Variants in BRD4 observed in about 807,000 individuals in gnomAD.
The protein encoded by BRD4 is bromodomain-containing protein 4.
BRD4 carries 16 observed loss-of-function variants against 142.1 expected under a neutral mutation model. The observed-to-expected ratio is 0.11, with a 90% CI of 0.08 to 0.17. BRD4 has a LOEUF of 0.17. Ranked by LOEUF, BRD4 falls within the 10% of genes least tolerant of loss-of-function variation. BRD4 has a pLI of 1.00. For missense variants in BRD4, 1,424 were observed against 1,810.9 expected, an observed-to-expected ratio of 0.79 and a Z score of 3.88; for synonymous variants, 833 against 707.5, an observed-to-expected ratio of 1.18 and a Z score of -2.82.
intron 1 of BRD4, among the ~76,000 whole-genome samples, chr19:15,296,179 G>A (rs192255007): frequency 2.0e-5 from 3 of 152,206 alleles, no homozygotes; most frequent in Admixed American, 6.5e-5. Context: ...GCTTGAACCC[G>A]GGAGAGAGAG....
intron 1 of BRD4, among the ~76,000 whole-genome samples, chr19:15,314,383 T>C (rs1049520301): frequency 5.9e-5 from 9 of 152,164 alleles, no homozygotes; most frequent in African/African-American, 2.2e-4. Context: ...GACACATTGT[T>C]TTGGAAAGAA....
chr19:15,240,170 A>C, intron 14 of BRD4, 148 bp from the exon 15 acceptor site: 1 of 1,284,744 alleles, frequency 7.8e-7, no homozygotes, highest in Non-Finnish European at 1.0e-6. Flanking sequence ...CCAGCTCAAA[A>C]AGGGTGAAGA....
intron 14 of BRD4, among the ~76,000 whole-genome samples, chr19:15,240,811 C>A (rs1466393621): frequency 2.0e-5 from 3 of 152,304 alleles, no homozygotes; most frequent in Admixed American, 2.0e-4. Context: ...TCCCTGCAGG[C>A]AAGGGGCCTC....
intron 1 of BRD4, among the ~76,000 whole-genome samples, chr19:15,292,836 A>C (rs2047794389): frequency 6.6e-6 from 1 of 150,664 alleles, no homozygotes; most frequent in Non-Finnish European, 1.5e-5. Context: ...AAGAAAAGAA[A>C]AGCCTGAAAC....
At chr19:15,304,888 G>A (rs1204806695) in intron 1 of BRD4, among the ~76,000 whole-genome samples, 1 of 151,990 alleles carries the variant, frequency 6.6e-6, no homozygotes, top group Non-Finnish European at 1.5e-5. Flanking sequence ...GATGGATCAA[G>A]GGCATGAATT....
chr19:15,270,090 T>A (rs1328156623), intron 2 of BRD4, among the ~76,000 whole-genome samples: 2 of 152,206 alleles, frequency 1.3e-5, no homozygotes, highest in Non-Finnish European at 2.9e-5. Flanking sequence ...CAGGTGCTCC[T>A]GTAATTAAGT....
At chr19:15,292,777 CAAAAAAAAAAAAAAAAAAAA>C (rs57341445) in intron 1 of BRD4, among the ~76,000 whole-genome samples, 22 of 57,256 alleles carry the variant, frequency 3.8e-4, no homozygotes, top group South Asian at 2.6e-3. Flanking sequence ...GACTCCGTCT[CAAAAAAAAAAAAAAAAAAAA>C]AAAAAAAAAA....
chr19:15,253,128 C>T, intron 11 of BRD4: 1 of 275,708 alleles, frequency 3.6e-6, no homozygotes, highest in South Asian at 9.8e-5. Flanking sequence ...CTGCCTGAGA[C>T]CCTAGGGCCA....
At chr19:15,274,979 C>T (rs1278778049) in intron 1 of BRD4, among the ~76,000 whole-genome samples, 1 of 152,158 alleles carries the variant, frequency 6.6e-6, no homozygotes, top group Admixed American at 6.5e-5. Flanking sequence ...CCACCTCAGC[C>T]TCCCCAGTAG....
chr19:15,308,914 C>T (rs2047941552), intron 1 of BRD4, among the ~76,000 whole-genome samples: 1 of 151,854 alleles, frequency 6.6e-6, no homozygotes, highest in South Asian at 2.1e-4. Context: ...ACTTGGGAGC[C>T]TGAGGCAGGA....
chr19:15,264,877 G>A, intron 5 of BRD4, 111 bp from the exon 6 acceptor site: 2 of 1,471,288 alleles, frequency 1.4e-6, no homozygotes, highest in Non-Finnish European at 1.8e-6. Context: ...CGCTCACACA[G>A]AATGGACCCA....
At chr19:15,290,332 T>C (rs1205698011) in intron 1 of BRD4, among the ~76,000 whole-genome samples, 1 of 152,162 alleles carries the variant, frequency 6.6e-6, no homozygotes, top group Admixed American at 6.5e-5. Flanking sequence ...AGCACTGACT[T>C]AGAATGGAAT....
intron 11 of BRD4, among the ~76,000 whole-genome samples, chr19:15,246,018 TCA>T (rs1238999645): frequency 6.6e-6 from 1 of 152,094 alleles, no homozygotes; most frequent in Non-Finnish European, 1.5e-5. Context: ...CTGTAAGAGC[TCA>T]CCACTCCACG....
At chr19:15,292,772 C>A (rs1241256739) in intron 1 of BRD4, among the ~76,000 whole-genome samples, 3 of 70,398 alleles carry the variant, frequency 4.3e-5, no homozygotes, top group Non-Finnish European at 7.8e-5. Flanking sequence ...ATCAAGACTC[C>A]GTCTCAAAAA....
rs1467435279 is a variant in BRD4, at chr19:15,237,253, G to GGGGT, written c.*1123_*1124insACCC. 1 of 115,022 alleles carries GGGGT rather than the reference G, an allele frequency of 8.7e-6. No homozygotes were observed. Among genetic ancestry groups the GGGGT allele is most frequent in the African/African-American group, 3.8e-5 (1 of 26,514 alleles). 7.1% of individuals were successfully genotyped at this position (115,022 alleles called of 1,614,324 possible). On this transcript the variant is annotated 3_prime_UTR_variant, in exon 20 of 20. Coordinates refer to ENST00000679869, the MANE Select transcript of BRD4 (RefSeq NM_001379291.1). ...AAAAGCCAACAAATGGGTGGGGGGGGGGGGGGTGGAGGGGAAAGAAAAGAA... is the reference window on the plus strand; with the variant it reads ...AAAAGCCAACAAATGGGTGGGGGGGGGGGTGGGGGGTGGAGGGGAAAGAAAAGAA...
At chr19:15,324,650 G>GA (rs976059926) in intron 1 of BRD4, among the ~76,000 whole-genome samples, 1 of 152,234 alleles carries the variant, frequency 6.6e-6, no homozygotes, top group African/African-American at 2.4e-5. Flanking sequence ...CAGTGTTCTG[G>GA]AAAAACTTTG....
chr19:15,251,271 G>A (rs1323915947), intron 11 of BRD4, among the ~76,000 whole-genome samples: 1 of 151,996 alleles, frequency 6.6e-6, no homozygotes, highest in African/African-American at 2.4e-5. Context: ...CTACCAAGAG[G>A]GGTGTTCATG....
chr19:15,322,138 A>G (rs2048066743), intron 1 of BRD4, among the ~76,000 whole-genome samples: 2 of 152,168 alleles, frequency 1.3e-5, no homozygotes, highest in South Asian at 4.1e-4. Flanking sequence ...TCATGTACAC[A>G]ACACCTAAGA....
intron 11 of BRD4, chr19:15,249,349 G>A (rs1271679099): frequency 1.2e-6 from 2 of 1,613,420 alleles, no homozygotes; most frequent in Admixed American, 1.7e-5. Flanking sequence ...TACCATTTAA[G>A]TCACAAGAAC....
Sources: gnomAD v4.1 joint callset for allele counts (sites outside exome capture counted in the v4.1 genomes callset) on GRCh38, gnomAD v4.1.1 for gene constraint, MANE v1.5 for transcripts, NCBI Gene and HGNC (gene_info 2026-07-23, HGNC 2026-07-21) for gene names.